The following USH2A variants were observed in gnomAD, a reference collection of about 807,000 sequenced individuals.
USH2A encodes the protein usherin, also known as Usher syndrome 2A (autosomal recessive, mild).
USH2A carries 443 observed loss-of-function variants against 538.9 expected under a neutral mutation model. The ratio of observed to expected loss-of-function variants is 0.82; its 90% CI spans 0.76 to 0.89. The LOEUF (loss-of-function observed/expected upper bound fraction) is 0.89. Ranked by LOEUF, USH2A falls within the 40% of genes least tolerant of loss-of-function variation. USH2A has a pLI of 0.00. For missense variants in USH2A, 6,633 were observed against 6,324.8 expected, an observed-to-expected ratio of 1.05 and a Z score of -1.65; for synonymous variants, 2,413 against 2,273.5, an observed-to-expected ratio of 1.06 and a Z score of -1.75.
At chr1:215,873,507 G>A (rs1664675213) in intron 43 of USH2A, among the ~76,000 whole-genome samples, 1 of 152,136 alleles carries the variant, frequency 6.6e-6, no homozygotes, top group Admixed American at 6.5e-5. Flanking sequence ...TTACAAAGAA[G>A]AGGAACAAAA....
chr1:215,680,075 C>T (rs1487226575), intron 62 of USH2A, 74 bp downstream of exon 62: 1 of 1,473,992 alleles, frequency 6.8e-7, no homozygotes, highest in African/African-American at 1.4e-5. Context: ...CCACAGTGAC[C>T]TGATGGCATG....
In USH2A at chr1:215,759,800, T is replaced by C. The variant is rs1315776541; in HGVS notation, c.11091A>G (p.Thr3697=). Residue 3697 remains threonine (T), a synonymous_variant, in exon 57 of 72, where the codon ACA becomes ACG. Transcript: ENST00000307340. ...TPRHIIINST[T]VELYWSLPEK... Reference sequence around the variant, plus strand: ...CTGGCAGACTCCAATATAATTCCACTGTTGTAGAATTGATGATAATGTGTC... The same window carrying C: ...CTGGCAGACTCCAATATAATTCCACCGTTGTAGAATTGATGATAATGTGTC... 1.2e-6 allele frequency: 2 copies of C among 1,613,934 alleles called. No individual in the cohort carries two copies. The highest frequency in any genetic ancestry group is 1.3e-5 in the African/African-American group (1 of 74,912).
rs75974369 is a variant in USH2A at position 215,722,243 on chromosome 1, T to C, written c.12066+5787A>G. On this transcript the variant is annotated intron_variant, in intron 61 of 71. Coordinates refer to ENST00000307340, the MANE Select transcript of USH2A (RefSeq NM_206933.4). Reference sequence around the variant, plus strand: ...GAAATATGATAATTATTTTTATTACTGAATTTTTCTTCACATTAGAAAGAT... The same window carrying C: ...GAAATATGATAATTATTTTTATTACCGAATTTTTCTTCACATTAGAAAGAT... Among the ~76,000 whole-genome samples, 1,039 of 152,306 alleles carry C rather than the reference T, an allele frequency of 6.8e-3. 7 individuals are homozygous for C. The highest frequency in any genetic ancestry group is 0.011 in the Non-Finnish European group (768 of 68,038).
intron 35 of USH2A, among the ~76,000 whole-genome samples, chr1:215,980,193 A>G (rs116679278): frequency 6.0e-4 from 92 of 152,298 alleles, no homozygotes; most frequent in Non-Finnish European, 1.2e-3. Flanking sequence ...CACTGGATTG[A>G]GCGTTTTAAT....
chr1:216,112,997 T>C (rs944659437), intron 21 of USH2A, among the ~76,000 whole-genome samples: 4 of 152,046 alleles, frequency 2.6e-5, no homozygotes, highest in African/African-American at 4.8e-5. Context: ...GGTCAAATGG[T>C]GGTTCTGCTT....
chr1:216,329,443 T>C (rs1027470706), intron 4 of USH2A, among the ~76,000 whole-genome samples: 1 of 152,088 alleles, frequency 6.6e-6, no homozygotes, highest in African/African-American at 2.4e-5. Flanking sequence ...ATGCTTTTAT[T>C]TGGGGAATAG....
chr1:215,760,889 T>G (rs773553041), intron 56 of USH2A, among the ~76,000 whole-genome samples: 1 of 152,216 alleles, frequency 6.6e-6, no homozygotes, highest in African/African-American at 2.4e-5. Context: ...CCATATTCCA[T>G]TGGAATCTTT....
At chr1:215,846,141 C>T (rs778020051) in intron 44 of USH2A, 108 bp from the exon 45 acceptor site, 19 of 1,091,146 alleles carry the variant, frequency 1.7e-5, no homozygotes, top group Admixed American at 1.1e-4. Flanking sequence ...GTTTAGAGAG[C>T]CTTTGTTTTG....
intron 37 of USH2A, among the ~76,000 whole-genome samples, chr1:215,936,712 G>A (rs377094993): frequency 1.3e-5 from 2 of 151,950 alleles, no homozygotes; most frequent in East Asian, 3.9e-4. Flanking sequence ...TTTCTCAGTA[G>A]CAATTACCTA....
intron 61 of USH2A, among the ~76,000 whole-genome samples, chr1:215,693,401 A>G (rs1191715611): frequency 6.6e-6 from 1 of 152,078 alleles, no homozygotes; most frequent in East Asian, 1.9e-4. Context: ...GGAGATTTGT[A>G]TTGTTATACA....
chr1:216,395,940 A>G (rs1403343342), intron 3 of USH2A, among the ~76,000 whole-genome samples: 1 of 152,194 alleles, frequency 6.6e-6, no homozygotes, highest in African/African-American at 2.4e-5. Context: ...AGCACAAACA[A>G]AATCAAAACT....
At chr1:215,919,200 T>C (rs1031920254) in intron 38 of USH2A, among the ~76,000 whole-genome samples, 2 of 152,220 alleles carry the variant, frequency 1.3e-5, no homozygotes, top group South Asian at 2.1e-4. Flanking sequence ...TTAATTCTAA[T>C]ACTTCCTATA....
At chr1:216,381,335 C>A (rs1003161287) in intron 3 of USH2A, among the ~76,000 whole-genome samples, 1 of 152,102 alleles carries the variant, frequency 6.6e-6, no homozygotes, top group Non-Finnish European at 1.5e-5. Context: ...GAGGCACCAT[C>A]TAACAAATTT....
At chr1:216,228,631 C>T (rs572556973) in intron 14 of USH2A, among the ~76,000 whole-genome samples, 2 of 152,240 alleles carry the variant, frequency 1.3e-5, no homozygotes, top group South Asian at 2.1e-4. Flanking sequence ...CCTTCCACTG[C>T]AATTGTGAGG....
intron 21 of USH2A, 33 bp downstream of exon 21, chr1:216,175,219 T>C (rs2034351426): frequency 1.2e-6 from 2 of 1,612,952 alleles, no homozygotes; most frequent in African/African-American, 1.3e-5. Flanking sequence ...GAGCTTCGTG[T>C]CTCCTAAATA....
At chr1:215,690,464 G>A (rs999429145) in intron 61 of USH2A, among the ~76,000 whole-genome samples, 2 of 152,134 alleles carry the variant, frequency 1.3e-5, no homozygotes, top group Non-Finnish European at 2.9e-5. Context: ...ATGCAAACCT[G>A]CAGTCCCAGC....
chr1:215,968,431 A>C (rs966280223), intron 36 of USH2A, among the ~76,000 whole-genome samples: 1 of 152,126 alleles, frequency 6.6e-6, no homozygotes, highest in Non-Finnish European at 1.5e-5. Context: ...AATAGCTAAC[A>C]AACTGGTCAG....
intron 35 of USH2A, among the ~76,000 whole-genome samples, chr1:215,985,002 C>T (rs1464381162): frequency 6.6e-6 from 1 of 152,144 alleles, no homozygotes. Flanking sequence ...CTAAAAAAGA[C>T]TGTGCTTGGG....
intron 64 of USH2A, among the ~76,000 whole-genome samples, chr1:215,670,743 T>C (rs1422172545): frequency 3.3e-5 from 5 of 152,310 alleles, no homozygotes; most frequent in Non-Finnish European, 1.5e-5. Flanking sequence ...ACCTGGAATC[T>C]ACTTAAGAAA....
Sources: allele counts gnomAD v4.1 joint callset (sites outside exome capture counted in the v4.1 genomes callset), GRCh38; gene constraint gnomAD v4.1.1; transcripts MANE v1.5; gene names NCBI Gene and HGNC (gene_info 2026-07-23, HGNC 2026-07-21).